The following CXADR variants were observed in gnomAD, a reference collection of about 807,000 sequenced individuals.
CXADR encodes the protein coxsackievirus and adenovirus receptor.
Under a neutral mutation model 40.3 loss-of-function variants are expected in CXADR, and 20 were observed. The observed-to-expected ratio is 0.50, with a 90% CI of 0.35 to 0.72. The LOEUF is 0.72. Among genes scored for constraint, CXADR ranks in the 30% least tolerant of loss-of-function variants. The pLI is 0.01. For synonymous variants in CXADR, 150 were observed against 161.3 expected, an observed-to-expected ratio of 0.93 and a Z score of 0.53; for missense variants, 332 against 449.1, an observed-to-expected ratio of 0.74 and a Z score of 2.36.
chr21:17,624,048 T>A, the CXADR span, among the ~76,000 whole-genome samples: 2 of 152,102 alleles, frequency 1.3e-5, no homozygotes, highest in Non-Finnish European at 2.9e-5. Context: ...GCTGATCGTG[T>A]CATGCCTCTG....
the CXADR span, among the ~76,000 whole-genome samples, chr21:17,628,431 C>T: frequency 2.0e-5 from 3 of 152,100 alleles, no homozygotes; most frequent in South Asian, 2.1e-4. Context: ...GTCCCATTGC[C>T]GGCGGGCTTG....
intron 7 of CXADR, among the ~76,000 whole-genome samples, chr21:17,589,304 G>A (rs1015423735): frequency 6.6e-6 from 1 of 152,028 alleles, no homozygotes; most frequent in African/African-American, 2.4e-5. Flanking sequence ...AAATACAACA[G>A]ATTGTCCACA....
chr21:17,591,832 AG>A (rs1021503760), intron 7 of CXADR, among the ~76,000 whole-genome samples: 44 of 152,076 alleles, frequency 2.9e-4, no homozygotes, highest in African/African-American at 8.7e-4. Context: ...AAGCACCTAG[AG>A]TCATAATTAC....
chr21:17,608,727 C>G, the CXADR span: 1 of 387,670 alleles, frequency 2.6e-6, no homozygotes, highest in Non-Finnish European at 4.5e-6. Context: ...CAGGCTATAA[C>G]CACAAAAGAC....
chr21:17,529,329 C>T (rs554668978), intron 1 of CXADR, among the ~76,000 whole-genome samples: 1 of 149,964 alleles, frequency 6.7e-6, no homozygotes, highest in South Asian at 2.1e-4. Flanking sequence ...CTGCACCTGG[C>T]TTTTTTTTTG....
chr21:17,552,605 A>G (rs2123272692), intron 3 of CXADR, among the ~76,000 whole-genome samples: 1 of 152,320 alleles, frequency 6.6e-6, no homozygotes, highest in East Asian at 1.9e-4. Context: ...CTGAAAGATA[A>G]TAGTTCATAA....
chr21:17,542,511 A>G (rs1050857491), intron 1 of CXADR, among the ~76,000 whole-genome samples: 7 of 152,208 alleles, frequency 4.6e-5, no homozygotes, highest in African/African-American at 1.7e-4. Context: ...TGTGCAGAAG[A>G]GAAGCTTTAA....
At chr21:17,582,960 A>AT (rs940460251) in intron 7 of CXADR, among the ~76,000 whole-genome samples, 9 of 152,218 alleles carry the variant, frequency 5.9e-5, no homozygotes, top group Non-Finnish European at 1.0e-4. Flanking sequence ...CAATGAGATA[A>AT]TTTTTTGGGA....
intron 1 of CXADR, among the ~76,000 whole-genome samples, chr21:17,514,409 A>C (rs369105250): frequency 6.6e-6 from 1 of 152,208 alleles, no homozygotes; most frequent in South Asian, 2.1e-4. Flanking sequence ...TATCATTTAG[A>C]CTTGGCGGGC....
chr21:17,614,224 T>C, the CXADR span: 1 of 152,124 alleles, frequency 6.6e-6, no homozygotes, highest in Non-Finnish European at 1.5e-5. Context: ...ATCATAACAA[T>C]CTGATGAGGT....
intron 7 of CXADR, among the ~76,000 whole-genome samples, chr21:17,591,917 T>G (rs2061439777): frequency 6.6e-6 from 1 of 151,962 alleles, no homozygotes; most frequent in South Asian, 2.1e-4. Flanking sequence ...TGAGTGACAG[T>G]TTTATTTCAT....
At chr21:17,623,228 C>T in the CXADR span, among the ~76,000 whole-genome samples, 22 of 152,248 alleles carry the variant, frequency 1.4e-4, no homozygotes, top group Middle Eastern at 0.024. Flanking sequence ...AGGTGTGAGC[C>T]ACTACACCCA....
the CXADR span, among the ~76,000 whole-genome samples, chr21:17,600,596 A>G: frequency 6.6e-6 from 1 of 152,128 alleles, no homozygotes; most frequent in Non-Finnish European, 1.5e-5. Context: ...CTAGGTGGGC[A>G]GACTGCTTGA....
At position 17,543,146 on chromosome 21, in the gene CXADR, A is replaced by G. The variant is rs1050943551; in HGVS notation, c.44-3881A>G. 3 of 212,608 alleles carry G rather than the reference A, an allele frequency of 1.4e-5. No individual in the cohort carries two copies. The East Asian group carries it at 4.3e-4, about 30-fold the overall frequency. 13.2% of individuals were successfully genotyped at this position (212,608 alleles called of 1,614,324 possible). A position where few individuals can be genotyped will look rare whatever the true frequency, so the allele number is the denominator to read the frequency against. On this transcript the variant is annotated intron_variant, in intron 1 of 6. Transcript: ENST00000284878. ...AATATCATAAGCAGCATACTCATTT[A>G]AAAAAATCTCAGAATAAAGCAGAAA...
At position 17,567,346 on chromosome 21, in the gene CXADR, T is replaced by C; in HGVS notation, c.*1654T>C. ...TATAGTTTTACATATTTGGAAGCATTTTAAAAACAGGTTTTAACCTTATGT... is the reference window on the plus strand; with the variant it reads ...TATAGTTTTACATATTTGGAAGCATCTTAAAAACAGGTTTTAACCTTATGT... On this transcript the variant is annotated 3_prime_UTR_variant, in exon 7 of 7. Coordinates refer to ENST00000284878, the MANE Select transcript of CXADR (RefSeq NM_001338.5). 1 of 985,302 alleles carries C rather than the reference T, an allele frequency of 1.0e-6. No individual in the cohort carries two copies. The highest frequency in any genetic ancestry group is 1.2e-6 in the Non-Finnish European group (1 of 829,772). 61.0% of individuals were successfully genotyped at this position (985,302 alleles called of 1,614,324 possible).
At chr21:17,594,467 T>A (rs746230646), downstream of CXADR, 93 of 1,038,360 alleles carry the variant, frequency 9.0e-5, no homozygotes, top group Non-Finnish European at 1.3e-4. Flanking sequence ...TTGTCAGGTC[T>A]AAATACATTA....
chr21:17,527,797 TA>T (rs1009127820), intron 1 of CXADR, among the ~76,000 whole-genome samples: 4 of 151,478 alleles, frequency 2.6e-5, no homozygotes, highest in African/African-American at 9.7e-5. Context: ...TTTATTTTTT[TA>T]TTTTTATTTA....
chr21:17,561,293 T>C, intron 5 of CXADR, 45 bp from the exon 6 acceptor site: 1 of 1,143,818 alleles, frequency 8.7e-7, no homozygotes, highest in Non-Finnish European at 1.2e-6. Flanking sequence ...TATCTATACA[T>C]GTATATATGT....
intron 7 of CXADR, among the ~76,000 whole-genome samples, chr21:17,581,847 C>CA (rs35923110): frequency 7.6e-5 from 11 of 144,120 alleles, no homozygotes; most frequent in Admixed American, 5.5e-4. Context: ...GACTCTGTCT[C>CA]AAAAAAAAAA....
Sources: allele counts gnomAD v4.1 joint callset (sites outside exome capture counted in the v4.1 genomes callset), GRCh38; gene constraint gnomAD v4.1.1; transcripts MANE v1.5; gene names NCBI Gene and HGNC (gene_info 2026-07-23, HGNC 2026-07-21).